Variants in KLRB1 observed in about 807,000 individuals in gnomAD.
The protein encoded by KLRB1 is killer cell lectin like receptor B1, also known as killer cell lectin-like receptor subfamily B member 1.
KLRB1 carries 27 observed loss-of-function variants against 33.5 expected under a neutral mutation model. That is an observed-to-expected ratio of 0.81 (90% CI 0.59 to 1.11). The LOEUF (loss-of-function observed/expected upper bound fraction) is 1.11, where lower values mean the gene tolerates loss of function less well. Ranked by LOEUF, KLRB1 falls within the 50% of genes most tolerant of loss-of-function variation. KLRB1 has a pLI of 0.00. For synonymous variants in KLRB1, 64 were observed against 88.9 expected, an observed-to-expected ratio of 0.72 and a Z score of 1.58; for missense variants, 241 against 254.1, an observed-to-expected ratio of 0.95 and a Z score of 0.35.
chr12:9,606,690 AGT>A (rs1491522826), intron 1 of KLRB1, among the ~76,000 whole-genome samples: 1 of 65,250 alleles, frequency 1.5e-5, no homozygotes, highest in African/African-American at 1.0e-4. Flanking sequence ...ATGTATAAAA[AGT>A]ATATATATAT....
Position 9,599,836 on chromosome 12 carries a change from A to T in KLRB1, c.190T>A (p.Ser64Thr). 3 of 1,570,790 alleles carry T rather than the reference A, an allele frequency of 1.9e-6. No individual in the cohort carries two copies. Among genetic ancestry groups the T allele is most frequent in the African/African-American group, 2.7e-5 (2 of 74,078 alleles). Residue 64 changes from serine (S) to threonine (T), a missense_variant, in exon 3 of 6, where the codon TCC becomes ACC. Coordinates refer to ENST00000229402, the MANE Select transcript of KLRB1 (RefSeq NM_002258.3). ...VVTGLSVSVT[S>T]LIQKSSIEKC... ...TCTATTGATGATTTCTGTATTAAGGATGTCACTAGTACATAAGGAAAAACA... is the reference window on the plus strand; with the variant it reads ...TCTATTGATGATTTCTGTATTAAGGTTGTCACTAGTACATAAGGAAAAACA...
intron 2 of KLRB1, 69 bp downstream of exon 2, chr12:9,601,432 A>C: frequency 1.8e-4 from 209 of 1,175,150 alleles, no homozygotes; most frequent in Middle Eastern, 3.9e-4. Context: ...CCACCCCTAC[A>C]GAGATGCTCT....
chr12:9,603,088 C>T (rs1038139009), intron 1 of KLRB1, among the ~76,000 whole-genome samples: 6 of 152,092 alleles, frequency 3.9e-5, no homozygotes, highest in Non-Finnish European at 5.9e-5. Context: ...TCGTCTGGTA[C>T]TATTTAGGAC....
chr12:9,603,372 T>C (rs1437382244), intron 1 of KLRB1, among the ~76,000 whole-genome samples: 1 of 152,204 alleles, frequency 6.6e-6, no homozygotes, highest in Non-Finnish European at 1.5e-5. Flanking sequence ...CTAAGTTTGT[T>C]TGTCTAGTGG....
chr12:9,599,383 A>G (rs977181311), intron 3 of KLRB1, among the ~76,000 whole-genome samples: 5 of 152,222 alleles, frequency 3.3e-5, no homozygotes, highest in Non-Finnish European at 7.3e-5. Context: ...AATAAATAGT[A>G]AAGAATTCAT....
intron 1 of KLRB1, among the ~76,000 whole-genome samples, chr12:9,606,738 A>T (rs1286469172): frequency 2.4e-4 from 3 of 12,748 alleles, no homozygotes; most frequent in African/African-American, 3.3e-4. Flanking sequence ...TAAAAAGTAT[A>T]TATATATATA....
chr12:9,607,335 C>CTTCCTTCGTTT lies in KLRB1; in HGVS notation c.85+419_85+420insAAACGAAGGAA, dbSNP rs1491505010. On this transcript the variant is annotated intron_variant, in intron 1 of 5. Transcript: ENST00000229402. The stretch of plus-strand genomic sequence containing the variant: ...TTTCTTCTTTTCTTTCTCTTTCTTT[C>CTTCCTTCGTTT]CTTTCTTTCTTTCTTTCTTCCTTTC... Among the ~76,000 whole-genome samples, 130 of 65,270 alleles carry CTTCCTTCGTTT rather than the reference C, an allele frequency of 2.0e-3. 6 individuals are homozygous for CTTCCTTCGTTT. Among genetic ancestry groups the CTTCCTTCGTTT allele is most frequent in the Non-Finnish European group, 3.8e-3 (106 of 27,644 alleles). 42.8% of individuals were successfully genotyped at this position (65,270 alleles called of 152,430 possible).
intron 4 of KLRB1, 128 bp downstream of exon 4, chr12:9,598,368 ATGT>A: frequency 1.3e-6 from 1 of 786,622 alleles, no homozygotes; most frequent in Non-Finnish European, 2.1e-6. Context: ...TTACATATCC[ATGT>A]AGTCATTCAA....
At chr12:9,598,740 A>C in intron 3 of KLRB1, 87 bp from the exon 4 acceptor site, 4 of 875,074 alleles carry the variant, frequency 4.6e-6, no homozygotes, top group Non-Finnish European at 6.9e-6. Context: ...CACACAGGTC[A>C]TTATAAATGC....
chr12:9,598,373 G>T, intron 4 of KLRB1, 126 bp downstream of exon 4: 1 of 808,116 alleles, frequency 1.2e-6, no homozygotes, highest in Non-Finnish European at 2.0e-6. Context: ...TATCCATGTA[G>T]TCATTCAAAT....
At chr12:9,606,706 TAAAATATATAAA>T (rs1864605082) in intron 1 of KLRB1, among the ~76,000 whole-genome samples, 1 of 74,220 alleles carries the variant, frequency 1.3e-5, no homozygotes. Context: ...TATATATATA[TAAAATATATAAA>T]ATATATGTAT....
In KLRB1 at chr12:9,598,667, CAG is replaced by C; in HGVS notation, c.260-16_260-15del. 6.3e-7 allele frequency: 1 copy of C among 1,590,478 alleles called. No homozygotes were observed. The highest frequency in any genetic ancestry group is 8.6e-7 in the Non-Finnish European group (1 of 1,165,190). On this transcript the variant is annotated splice_polypyrimidine_tract_variant and intron_variant, in intron 3 of 5. Transcript: ENST00000229402. Reference sequence around the variant, plus strand: ...GACCCGGTCTCTCTAAAGTAAAAAACAGAAATAAGAAATAAATGTTATATTTC... The same window carrying C: ...GACCCGGTCTCTCTAAAGTAAAAAACAAATAAGAAATAAATGTTATATTTC...
intron 1 of KLRB1, among the ~76,000 whole-genome samples, chr12:9,605,935 T>C (rs746889231): frequency 6.6e-6 from 1 of 152,304 alleles, no homozygotes; most frequent in African/African-American, 2.4e-5. Context: ...ACTACCTCTA[T>C]ATTCATTTTC....
At chr12:9,603,699 G>C (rs1430351190) in intron 1 of KLRB1, among the ~76,000 whole-genome samples, 1 of 151,422 alleles carries the variant, frequency 6.6e-6, no homozygotes, top group Non-Finnish European at 1.5e-5. Flanking sequence ...GCCTCCCAAA[G>C]TGCTGGGATT....
intron 3 of KLRB1, 141 bp from the exon 4 acceptor site, chr12:9,598,794 A>G (rs1591656073): frequency 5.4e-6 from 3 of 556,770 alleles, no homozygotes; most frequent in Non-Finnish European, 9.0e-6. Context: ...AATTTGTTAT[A>G]AAGTTGAGAT....
chr12:9,598,971 C>T (rs1015564849), intron 3 of KLRB1, among the ~76,000 whole-genome samples: 5 of 152,158 alleles, frequency 3.3e-5, no homozygotes, highest in African/African-American at 1.2e-4. Context: ...AACTTAAGTC[C>T]AGCCAGTCAG....
At chr12:9,607,583 A>T (rs1425151813) in intron 1 of KLRB1, 172 bp downstream of exon 1, 4 of 554,114 alleles carry the variant, frequency 7.2e-6, no homozygotes, top group Non-Finnish European at 9.7e-6. Flanking sequence ...TGAGGTTTAA[A>T]TTTTTTTTCC....
Position 9,601,484 on chromosome 12 carries a change from G to C in KLRB1, c.184+17C>G. The C allele has an allele frequency of 6.4e-7, 1 of 1,553,016 alleles. No individual in the cohort carries two copies. Among genetic ancestry groups the C allele is most frequent in the East Asian group, 2.2e-5 (1 of 44,532 alleles). On this transcript the variant is annotated intron_variant, in intron 2 of 5. Coordinates refer to ENST00000229402, the MANE Select transcript of KLRB1 (RefSeq NM_002258.3). Reference sequence around the variant, plus strand: ...GTAGAGTAAGTATTATGAAACAGATGATGGTGCCCCACTTACCTGAAACAC... The same window carrying C: ...GTAGAGTAAGTATTATGAAACAGATCATGGTGCCCCACTTACCTGAAACAC...
Position 9,601,485 on chromosome 12 carries a change from A to AAATAT in KLRB1, c.184+15_184+16insATATT, listed in dbSNP as rs1864541030. The stretch of plus-strand genomic sequence containing the variant: ...TAGAGTAAGTATTATGAAACAGATG[A>AAATAT]TGGTGCCCCACTTACCTGAAACACT... On this transcript the variant is annotated intron_variant, in intron 2 of 5. Transcript: ENST00000229402. 6.4e-7 allele frequency: 1 copy of AAATAT among 1,556,580 alleles called. No individual in the cohort carries two copies. The highest frequency in any genetic ancestry group is 1.7e-5 in the Admixed American group (1 of 59,888).
Sources: allele counts gnomAD v4.1 joint callset (sites outside exome capture counted in the v4.1 genomes callset), GRCh38; gene constraint gnomAD v4.1.1; transcripts MANE v1.5; gene names NCBI Gene and HGNC (gene_info 2026-07-23, HGNC 2026-07-21).